PCSK2: variants seen among roughly 807,000 people sequenced by gnomAD.
PCSK2 encodes neuroendocrine convertase 2.
Under a neutral mutation model 69.7 loss-of-function variants are expected in PCSK2, and 14 were observed. That is an observed-to-expected ratio of 0.20 (90% CI 0.13 to 0.31). PCSK2 has a LOEUF of 0.31. Ranked by LOEUF, PCSK2 falls within the 10% of genes least tolerant of loss-of-function variation. PCSK2 has a pLI of 1.00. For missense variants in PCSK2, 544 were observed against 842.5 expected, an observed-to-expected ratio of 0.65 and a Z score of 4.39; for synonymous variants, 307 against 320.7, an observed-to-expected ratio of 0.96 and a Z score of 0.46.
At chr20:17,433,785 T>TTCTCTCTCTATCTC (rs2032416649) in intron 7 of PCSK2, among the ~76,000 whole-genome samples, 1 of 40,808 alleles carries the variant, frequency 2.5e-5, no homozygotes, top group Non-Finnish European at 6.0e-5. Flanking sequence ...CTCCTTTGAT[T>TTCTCTCTCTATCTC]TCTCTCTCTC....
intron 8 of PCSK2, among the ~76,000 whole-genome samples, chr20:17,444,184 A>T (rs2032651605): frequency 6.6e-6 from 1 of 152,176 alleles, no homozygotes; most frequent in Non-Finnish European, 1.5e-5. Context: ...CTGTTACACA[A>T]GGCACTTCTT....
chr20:17,252,992 G>T (rs1394832673), intron 1 of PCSK2, among the ~76,000 whole-genome samples: 1 of 152,060 alleles, frequency 6.6e-6, no homozygotes, highest in East Asian at 1.9e-4. Context: ...ATGGGAAAAA[G>T]GATATTTTTA....
intron 11 of PCSK2, among the ~76,000 whole-genome samples, chr20:17,476,208 G>A (rs998709049): frequency 5.9e-5 from 9 of 152,174 alleles, no homozygotes; most frequent in Non-Finnish European, 2.9e-5. Flanking sequence ...TGTGAGCCGG[G>A]AAAAAACTGA....
intron 5 of PCSK2, among the ~76,000 whole-genome samples, chr20:17,378,628 GATGGATGGATGGATGA>G (rs1310729935): frequency 0.054 from 5,262 of 97,052 alleles, 221 homozygotes; most frequent in African/African-American, 0.12. Flanking sequence ...TGGATGGATG[GATGGATGGATGGATGA>G]ATGGATGGAT....
Position 17,429,517 on chromosome 20 carries a change from G to T in PCSK2, c.703G>T (p.Val235Phe). 1 of 1,611,170 alleles carries T rather than the reference G, an allele frequency of 6.2e-7. No homozygotes were observed. Among genetic ancestry groups the T allele is most frequent in the Non-Finnish European group, 8.5e-7 (1 of 1,177,698 alleles). ...CGVGVAYNSK[V>F]AGIRMLDQPF... is the part of the protein sequence containing the mutation. ...AGTTGGAGTAGCATACAACTCCAAG[G>T]TTGCAGGTAAGCCATCCCTGCCAAA... is the stretch of plus-strand genomic sequence containing the variant. The change falls in exon 7 of 12, where the codon GTT (valine) becomes TTT (phenylalanine). Residue 235 changes from valine (V) to phenylalanine (F), a missense_variant. Transcript: ENST00000262545.
intron 11 of PCSK2, among the ~76,000 whole-genome samples, chr20:17,480,216 G>A (rs1226794970): frequency 1.2e-5 from 1 of 83,804 alleles, no homozygotes; most frequent in Admixed American, 1.4e-4. Context: ...TTGAGGCAGA[G>A]TCTCGCTCTG....
At chr20:17,341,420 C>T (rs908859518) in intron 2 of PCSK2, among the ~76,000 whole-genome samples, 3 of 152,136 alleles carry the variant, frequency 2.0e-5, no homozygotes, top group Admixed American at 6.5e-5. Context: ...TGAAGCGGGC[C>T]GCCCCCAGTA....
chr20:17,282,450 C>G (rs1988351547), intron 2 of PCSK2, among the ~76,000 whole-genome samples: 1 of 152,024 alleles, frequency 6.6e-6, no homozygotes. Context: ...GTTTTTGACC[C>G]AAATGTTCAC....
intron 1 of PCSK2, among the ~76,000 whole-genome samples, chr20:17,233,401 C>G (rs978820313): frequency 6.6e-6 from 1 of 152,124 alleles, no homozygotes; most frequent in Non-Finnish European, 1.5e-5. Context: ...AAAAAAGTAG[C>G]TGTGGGTTAT....
intron 2 of PCSK2, among the ~76,000 whole-genome samples, chr20:17,278,633 A>T (rs1988185694): frequency 6.6e-6 from 1 of 152,126 alleles, no homozygotes; most frequent in Admixed American, 6.5e-5. Flanking sequence ...TGACGAGTTA[A>T]TGGGTGCAGC....
chr20:17,405,778 T>A (rs2031738119), intron 5 of PCSK2, among the ~76,000 whole-genome samples: 1 of 152,144 alleles, frequency 6.6e-6, no homozygotes, highest in Non-Finnish European at 1.5e-5. Flanking sequence ...CAGGGATGGG[T>A]TTTTTTCCCC....
intron 8 of PCSK2, among the ~76,000 whole-genome samples, chr20:17,437,282 C>A (rs2281206): frequency 0.072 from 10,964 of 152,208 alleles, 493 homozygotes; most frequent in East Asian, 0.17. Context: ...GCACACAGGG[C>A]GGTAGATCCA....
At chr20:17,435,022 G>A (rs897460954) in intron 7 of PCSK2, among the ~76,000 whole-genome samples, 19 of 152,158 alleles carry the variant, frequency 1.2e-4, no homozygotes, top group African/African-American at 4.3e-4. Context: ...CATCTGGAAA[G>A]TTCAAACCAA....
intron 7 of PCSK2, among the ~76,000 whole-genome samples, chr20:17,432,138 T>G (rs747406570): frequency 6.6e-6 from 1 of 152,226 alleles, no homozygotes; most frequent in Non-Finnish European, 1.5e-5. Flanking sequence ...TTGAGTCCTC[T>G]GAACAGAAGA....
chr20:17,358,139 A>ACG (rs2030270206), intron 2 of PCSK2, among the ~76,000 whole-genome samples, 188 bp from the exon 3 acceptor site: 1 of 117,908 alleles, frequency 8.5e-6, no homozygotes, highest in Non-Finnish European at 1.8e-5. Flanking sequence ...GACCCCCCCT[A>ACG]ATCTCTACAA....
In PCSK2 at chr20:17,453,988, T is replaced by G; in HGVS notation, c.1101+31T>G. The G allele has an allele frequency of 6.2e-7, 1 of 1,612,476 alleles. No individual in the cohort carries two copies. On this transcript the variant is annotated intron_variant, in intron 9 of 11. Transcript: ENST00000262545. The surrounding 1 kb of genome is among the most constrained non-coding windows in gnomAD (Gnocchi z 4.0). The stretch of plus-strand genomic sequence containing the variant: ...CACGTCCCCTTCTGTCCTTGTTTCC[T>G]TAGGGCCACTGCACCTCTGTGTCAG...
intron 2 of PCSK2, among the ~76,000 whole-genome samples, chr20:17,266,025 T>C (rs1183092638): frequency 6.6e-6 from 1 of 152,228 alleles, no homozygotes; most frequent in African/African-American, 2.4e-5. Flanking sequence ...TTTAAACAAT[T>C]GTTTGCACTA....
intron 2 of PCSK2, among the ~76,000 whole-genome samples, chr20:17,321,497 C>T (rs1989865934): frequency 6.6e-6 from 1 of 152,124 alleles, no homozygotes. Context: ...GCTAATAATC[C>T]TTTCTTTCTA....
intron 2 of PCSK2, among the ~76,000 whole-genome samples, chr20:17,276,214 T>A (rs1988069306): frequency 6.6e-6 from 1 of 152,156 alleles, no homozygotes; most frequent in South Asian, 2.1e-4. Flanking sequence ...AAATGATAGT[T>A]TACAGTTTTA....
Sources: gnomAD v4.1 joint callset for allele counts (sites outside exome capture counted in the v4.1 genomes callset) on GRCh38, gnomAD v4.1.1 for gene constraint, Gnocchi (gnomAD v3.1) non-coding constraint, MANE v1.5 for transcripts, NCBI Gene and HGNC (gene_info 2026-07-23, HGNC 2026-07-21) for gene names.